The following POLE variants were observed in gnomAD, a reference collection of about 807,000 sequenced individuals.
POLE encodes the protein DNA polymerase epsilon, catalytic subunit.
Under a neutral mutation model 279.2 loss-of-function variants are expected in POLE, and 188 were observed. The observed-to-expected ratio is 0.67, with a 90% CI of 0.60 to 0.76. The LOEUF (loss-of-function observed/expected upper bound fraction) is 0.76, where lower values mean the gene tolerates loss of function less well. Ranked by LOEUF, POLE falls within the 30% of genes least tolerant of loss-of-function variation. POLE has a pLI of 0.00. For synonymous variants in POLE, 1,214 were observed against 1,172.5 expected (o/e 1.04, Z -0.72); for missense variants, 2,703 against 3,016.7 (o/e 0.90, Z 2.44).
rs36120395 is a variant in POLE at position 132,668,439 on chromosome 12, G to C, written c.2090C>G (p.Pro697Arg). The C allele has an allele frequency of 1.4e-3, 2,316 of 1,612,796 alleles. 7 individuals are homozygous for C. Among genetic ancestry groups the C allele is most frequent in the Non-Finnish European group, 1.7e-3 (2,063 of 1,179,306 alleles). The change falls in exon 19 of 49, where the codon CCC becomes CGC. Residue 697 changes from proline to arginine, a missense_variant. Coordinates refer to ENST00000320574, the MANE Select transcript of POLE (RefSeq NM_006231.4). The surrounding 1 kb of genome is among the most constrained non-coding windows in gnomAD (Gnocchi z 4.0). The stretch of plus-strand genomic sequence containing the variant: ...CCGAGCTGGCCCCTCTGGGAACAAG[G>C]GGGGGAACTTCTCTGACTCCAGCTG... ...QHQLESEKFP[P>R]LFPEGPARAF... is the part of the protein sequence containing the mutation.
intron 39 of POLE, 76 bp downstream of exon 39, chr12:132,641,571 G>C: frequency 7.8e-7 from 1 of 1,284,262 alleles, no homozygotes; most frequent in Non-Finnish European, 1.1e-6. Flanking sequence ...CCCTGTCTTA[G>C]ACCTTAGCTT....
chr12:132,649,372 C>T lies in POLE; in HGVS notation c.3939G>A (p.Thr1313=), dbSNP rs150282789. ...TTCTTCGCAAGAAGCTCCCCAGCCC[C>T]GTGGCAGGACCATCCCGGATGGCCC... is the stretch of plus-strand genomic sequence containing the variant. ...RPGAIRDGPA[T]GLGSFLRRTA... is the part of the protein sequence containing the mutation. The change falls in exon 31 of 49, where the codon ACG becomes ACA. Residue 1313 remains threonine, a synonymous_variant. Transcript: ENST00000320574. 4.3e-5 allele frequency: 69 copies of T among 1,613,428 alleles called. No homozygotes were observed. The Middle Eastern group carries it at 4.9e-4, about 12-fold the overall frequency.
rs1329126569 is a variant in POLE at position 132,676,403 on chromosome 12, C to T, written c.909+143G>A. ...GAAAGGGGAGGGTACAGCTGGAGGT[C>T]GGAACGGCTTGGTTGCTCCCATTCC... is the stretch of plus-strand genomic sequence containing the variant. On this transcript the variant is annotated intron_variant, in intron 9 of 48. Transcript: ENST00000320574. The T allele has an allele frequency of 4.1e-6, 3 of 724,058 alleles. No homozygotes were observed. In the South Asian group the frequency reaches 4.8e-5, roughly 11 times the overall value. The allele number at this position is 724,058 out of a possible 1,614,324, so 44.9% of individuals were successfully genotyped here.
At chr12:132,625,084 T>C in intron 47 of POLE, 90 bp from the exon 48 acceptor site, 1 of 943,720 alleles carries the variant, frequency 1.1e-6, no homozygotes, top group African/African-American at 1.6e-5. Context: ...GACACATTCG[T>C]GGGCCCATCA....
chr12:132,687,192 A>G (rs2136051462), intron 1 of POLE, 62 bp downstream of exon 1: 1 of 1,101,744 alleles, frequency 9.1e-7, no homozygotes. Flanking sequence ...GCGCCAGCCG[A>G]GGACGGCCCC....
At chr12:132,660,797 T>G (rs2042661107) in intron 25 of POLE, 172 bp downstream of exon 25, 2 of 460,668 alleles carry the variant, frequency 4.3e-6, no homozygotes, top group Non-Finnish European at 7.6e-6. Context: ...GATGCAGAAG[T>G]TGAGGGGAAC....
chr12:132,642,346 G>C lies in POLE; in HGVS notation c.5004C>G (p.Gly1668=). The part of the protein sequence containing the change: ...GNLPEDISTF[G]SDLFFARHLQ... ...GGTGGCGGGCAAAGAAGAGGTCGGA[G>C]CCGAATGTGGAGATGTCCTCTGGTA... Residue 1668 remains glycine (G), a synonymous_variant, in exon 38 of 49, where the codon GGC becomes GGG. Transcript: ENST00000320574. 1.3e-6 allele frequency: 2 copies of C among 1,590,302 alleles called. No homozygotes were observed. Among genetic ancestry groups the C allele is most frequent in the Non-Finnish European group, 1.7e-6 (2 of 1,166,844 alleles).
chr12:132,680,985 G>A lies in POLE; in HGVS notation c.204+153C>T, dbSNP rs5744735. ...TGGCCTCTCTGTGGCCCTCAATGAC[G>A]TTAAAGAGGAAAGGAGAGCTGGGAA... On this transcript the variant is annotated intron_variant, in intron 2 of 48. Transcript: ENST00000320574. 1,561 of 879,848 alleles carry A rather than the reference G, an allele frequency of 1.8e-3. 5 individuals carry two copies. Among genetic ancestry groups the A allele is most frequent in the South Asian group, 4.0e-3 (226 of 56,094 alleles). The allele number at this position is 879,848 out of a possible 1,614,324, so 54.5% of individuals were successfully genotyped here.
intron 8 of POLE, among the ~76,000 whole-genome samples, chr12:132,677,038 G>C (rs935417562): frequency 6.6e-5 from 10 of 152,192 alleles, no homozygotes; most frequent in South Asian, 2.1e-4. Flanking sequence ...ACAAAGTCAT[G>C]TTTGAACCAA....
At position 132,668,473 on chromosome 12, in the gene POLE, T is replaced by C; in HGVS notation, c.2056A>G (p.Ile686Val). The C allele has an allele frequency of 1.2e-6, 2 of 1,607,618 alleles. No homozygotes were observed. Among genetic ancestry groups the C allele is most frequent in the Non-Finnish European group, 8.5e-7 (1 of 1,176,722 alleles). The change falls in exon 19 of 49, where the codon ATC (isoleucine) becomes GTC (valine). Residue 686 changes from isoleucine to valine, a missense_variant. By Grantham distance (29) the Ile-to-Val change is conservative. Transcript: ENST00000320574. The surrounding 1 kb of genome is among the most constrained non-coding windows in gnomAD (Gnocchi z 4.0). ...TTCTCTGACTCCAGCTGGTGCTGGA[T>C]CCGATGGTATTCGCTGCGACTGGCT... ...MPASRSEYHR[I>V]QHQLESEKFP...
intron 45 of POLE, among the ~76,000 whole-genome samples, chr12:132,628,106 G>A (rs1276545612): frequency 6.6e-6 from 1 of 152,318 alleles, no homozygotes; most frequent in South Asian, 2.1e-4. Context: ...CACTTTGGGA[G>A]GCCGAGGTGG....
Position 132,673,287 on chromosome 12 carries a change from G to C in POLE, c.1360-10C>G, listed in dbSNP as rs1480904053. 1.3e-6 allele frequency: 2 copies of C among 1,545,660 alleles called. No individual in the cohort carries two copies. Among genetic ancestry groups the C allele is most frequent in the Non-Finnish European group, 1.8e-6 (2 of 1,117,624 alleles). On this transcript the variant is annotated splice_polypyrimidine_tract_variant and intron_variant, in intron 13 of 48. Transcript: ENST00000320574. ...AATACGTGGCCAGAGTCTGAGGAGA[G>C]AACGCCAGAGAGCAGGGCCATCAAA...
chr12:132,632,157 T>A (rs1277319116), intron 45 of POLE, among the ~76,000 whole-genome samples, 158 bp downstream of exon 45: 1 of 152,132 alleles, frequency 6.6e-6, no homozygotes, highest in East Asian at 1.9e-4. Context: ...TTCATTAACA[T>A]CCTTACCATG....
chr12:132,669,904 G>A (rs562217126), intron 16 of POLE, among the ~76,000 whole-genome samples: 4 of 152,252 alleles, frequency 2.6e-5, no homozygotes, highest in African/African-American at 7.2e-5. Flanking sequence ...CTTAGGAATC[G>A]CTAACAGGAC....
rs779475320 is a variant in POLE at position 132,642,905 on chromosome 12, G to T, written c.4643C>A (p.Pro1548His). ...LEKVGPELLP[P>H]PKHTFEVRAE... ...CCGAACTTCGAAGGTGTGTTTGGGG[G>T]GTGGCAGGAGCTCAGGGCCCACCTT... is the stretch of plus-strand genomic sequence containing the variant. Residue 1548 changes from proline (P) to histidine (H), a missense_variant, in exon 36 of 49, where the codon CCC becomes CAC. By Grantham distance (77) the Pro-to-His change is moderately conservative. Coordinates refer to ENST00000320574, the MANE Select transcript of POLE (RefSeq NM_006231.4). 1 of 1,613,684 alleles carries T rather than the reference G, an allele frequency of 6.2e-7. No homozygotes were observed. The highest frequency in any genetic ancestry group is 1.1e-5 in the South Asian group (1 of 91,044).
chr12:132,626,237 C>A lies in POLE; in HGVS notation c.6411G>T (p.Glu2137Asp), dbSNP rs753344188. Residue 2137 changes from glutamate to aspartate, a missense_variant, in exon 46 of 49, where the codon GAG (glutamate) becomes GAT (aspartate). Physicochemically the swap from Glu to Asp is conservative, Grantham distance 45 (BLOSUM62 2). Transcript: ENST00000320574. ...CTCGGAACTGGGCCTCCTCGGAGAA[C>A]TCGCCGACATCCACCAGGCGAAGCA... ...RDLLRLVDVGEFSEEAQFRDP... is the reference protein window; with the variant it reads ...RDLLRLVDVGDFSEEAQFRDP... 3 of 1,613,896 alleles carry A rather than the reference C, an allele frequency of 1.9e-6. No homozygotes were observed. Among genetic ancestry groups the A allele is most frequent in the Non-Finnish European group, 2.5e-6 (3 of 1,180,030 alleles).
rs905912357 is a variant in POLE at position 132,676,080 on chromosome 12, T to C, written c.1020+14A>G. 1 of 1,542,858 alleles carries C rather than the reference T, an allele frequency of 6.5e-7. No homozygotes were observed. The highest frequency in any genetic ancestry group is 1.4e-5 in the African/African-American group (1 of 72,586). On this transcript the variant is annotated intron_variant, in intron 10 of 48. Transcript: ENST00000320574. ...CCACAATACCGGGTAGTTTCCCAAG[T>C]GATACCTCCTTACCTCATCGGGTTC...
chr12:132,638,749 G>T, intron 40 of POLE: 1 of 219,272 alleles, frequency 4.6e-6, no homozygotes, highest in Non-Finnish European at 9.2e-6. Context: ...TCACTGATTT[G>T]CTATTTGTAA....
Position 132,661,434 on chromosome 12 carries a change from A to C in POLE, c.2864+93T>G, listed in dbSNP as rs1260077939. ...ATCACAAGAACCCAGGTCTGTTTCT[A>C]TCCTGGCTCCTGATCCAACCTCCTT... On this transcript the variant is annotated intron_variant, in intron 24 of 48. Transcript: ENST00000320574. This position sits in a 1 kb window ranked among gnomAD's most constrained non-coding sequence, Gnocchi z 4.1. 7.3e-7 allele frequency: 1 copy of C among 1,378,990 alleles called. No individual in the cohort carries two copies. The highest frequency in any genetic ancestry group is 1.0e-6 in the Non-Finnish European group (1 of 995,360). The allele number at this position is 1,378,990 out of a possible 1,614,324, so 85.4% of individuals were successfully genotyped here. A position where few individuals can be genotyped will look rare whatever the true frequency, so the allele number is the denominator to read the frequency against.
Sources: allele counts gnomAD v4.1 joint callset (sites outside exome capture counted in the v4.1 genomes callset), GRCh38; gene constraint gnomAD v4.1.1; non-coding constraint Gnocchi (gnomAD v3.1); transcripts MANE v1.5; gene names NCBI Gene and HGNC (gene_info 2026-07-23, HGNC 2026-07-21).